The following NPHS1 variants were observed in gnomAD, a reference collection of about 807,000 sequenced individuals.
NPHS1 encodes NPHS1 adhesion molecule, nephrin, also known as nephrin.
In NPHS1, 107 loss-of-function variants were observed where a neutral mutation model predicts 139.7. The observed-to-expected ratio is 0.77, with a 90% CI of 0.66 to 0.90. The LOEUF (loss-of-function observed/expected upper bound fraction) is 0.90, where lower values mean the gene tolerates loss of function less well. Among genes scored for constraint, NPHS1 ranks in the 40% least tolerant of loss-of-function variants. The pLI is 0.00. For synonymous variants in NPHS1, 707 were observed against 706.6 expected, an observed-to-expected ratio of 1.00 and a Z score of -0.01; for missense variants, 1,580 against 1,654.2, an observed-to-expected ratio of 0.96 and a Z score of 0.78.
chr19:35,830,709 G>T, intron 28 of NPHS1, 135 bp downstream of exon 28: 1 of 750,084 alleles, frequency 1.3e-6, no homozygotes, highest in Non-Finnish European at 2.4e-6. Context: ...ATGCCCAGCC[G>T]ACTGTCTTTA....
intron 20 of NPHS1, among the ~76,000 whole-genome samples, chr19:35,840,852 CT>C (rs746031842): frequency 0.027 from 3,433 of 128,346 alleles, 45 homozygotes; most frequent in Non-Finnish European, 0.03. Context: ...TCACGCCCGG[CT>C]TTTTTTTTTT....
intron 22 of NPHS1, among the ~76,000 whole-genome samples, chr19:35,838,098 C>CA (rs1256944351): frequency 6.8e-6 from 1 of 146,928 alleles, no homozygotes; most frequent in Non-Finnish European, 1.5e-5. Flanking sequence ...CTAAAAAATA[C>CA]AAAAAATTAC....
chr19:35,829,975 A>AT, intron 28 of NPHS1, among the ~76,000 whole-genome samples: 1 of 152,224 alleles, frequency 6.6e-6, no homozygotes, highest in East Asian at 1.9e-4. Context: ...CCATAAAAAC[A>AT]TTTTTAGGGA....
At chr19:35,828,354 C>T (rs545616953) in intron 28 of NPHS1, among the ~76,000 whole-genome samples, 4 of 152,108 alleles carry the variant, frequency 2.6e-5, no homozygotes, top group Non-Finnish European at 5.9e-5. Context: ...CAACCTCCGC[C>T]TCCCGGGTTT....
intron 23 of NPHS1, among the ~76,000 whole-genome samples, chr19:35,833,579 A>G (rs1268529950): frequency 1.3e-5 from 2 of 152,226 alleles, no homozygotes; most frequent in Non-Finnish European, 2.9e-5. Flanking sequence ...AGAAACTCAG[A>G]AAGAAGCCAC....
intron 28 of NPHS1, among the ~76,000 whole-genome samples, 179 bp from the exon 29 acceptor site, chr19:35,826,824 T>C (rs1464510959): frequency 6.6e-6 from 1 of 152,222 alleles, no homozygotes. Flanking sequence ...ATGAACCCCA[T>C]GTGCTTATCA....
At chr19:35,844,617 G>T (rs1029949960) in intron 14 of NPHS1, among the ~76,000 whole-genome samples, 158 bp from the exon 15 acceptor site, 3 of 152,206 alleles carry the variant, frequency 2.0e-5, no homozygotes, top group African/African-American at 7.2e-5. Flanking sequence ...TCAGGGGTAA[G>T]GTTCGGGATA....
chr19:35,850,977 G>A lies in NPHS1; in HGVS notation c.510C>T (p.Asp170=). ...CACACTCACTCAGGAGAATGGTGATGTCAGGTGCTGGCTTCGCGTCCCCAG... is the reference window on the plus strand; with the variant it reads ...CACACTCACTCAGGAGAATGGTGATATCAGGTGCTGGCTTCGCGTCCCCAG... ...CVSGDAKPAP[D]ITILLSGQTI... The change falls in exon 4 of 29, where the codon GAC becomes GAT. Residue 170 remains aspartate (D), a synonymous_variant. Transcript: ENST00000378910. The A allele has an allele frequency of 5.0e-6, 8 of 1,614,126 alleles. No individual in the cohort carries two copies. Among genetic ancestry groups the A allele is most frequent in the Non-Finnish European group, 6.8e-6 (8 of 1,180,032 alleles).
At position 35,851,335 on chromosome 19, in the gene NPHS1, C is replaced by T; in HGVS notation, c.324G>A (p.Glu108=). The T allele has an allele frequency of 6.2e-7, 1 of 1,613,848 alleles. No homozygotes were observed. Among genetic ancestry groups the T allele is most frequent in the Non-Finnish European group, 8.5e-7 (1 of 1,179,890 alleles). ...CAGAGCGGCCGACCTGGCACTCATA[C>T]TCCGCGTCATCGCTGAGGTCACAGG... ...IEACDLSDDA[E]YECQVGRSEM... is the part of the protein sequence containing the mutation. The change falls in exon 3 of 29, where the codon GAG becomes GAA. Residue 108 remains glutamate (E), a synonymous_variant. Coordinates refer to ENST00000378910, the MANE Select transcript of NPHS1 (RefSeq NM_004646.4).
chr19:35,842,016 A>T (rs906978269), intron 19 of NPHS1, 108 bp downstream of exon 19: 3 of 1,423,044 alleles, frequency 2.1e-6, no homozygotes, highest in Non-Finnish European at 2.9e-6. Flanking sequence ...TCACTCACTC[A>T]TTCCTCCACC....
rs1555758142 is a variant in NPHS1, at chr19:35,826,528, C to T, written c.3712G>A (p.Gly1238Arg). Residue 1238 changes from glycine to arginine, a missense_variant, in exon 29 of 29, where the codon GGA (glycine) becomes AGA (arginine). Physicochemically the swap from Gly to Arg is moderately radical, Grantham distance 125 (BLOSUM62 -2). Coordinates refer to ENST00000378910, the MANE Select transcript of NPHS1 (RefSeq NM_004646.4). ...EPDSLPFELR[G>R]HLV ...TGAGAGGGCTCTTACACCAGATGTC[C>T]CCTCAGCTCGAAGGGCAGAGAATCG... 1 of 1,613,668 alleles carries T rather than the reference C, an allele frequency of 6.2e-7. No homozygotes were observed. Among genetic ancestry groups the T allele is most frequent in the Non-Finnish European group, 8.5e-7 (1 of 1,180,000 alleles).
At chr19:35,837,298 TA>T (rs1972980999) in intron 22 of NPHS1, among the ~76,000 whole-genome samples, 1 of 152,230 alleles carries the variant, frequency 6.6e-6, no homozygotes, top group South Asian at 2.1e-4. Context: ...TTTATTGGAA[TA>T]AAGTTATCCA....
At position 35,849,308 on chromosome 19, in the gene NPHS1, C is replaced by T. The variant is rs775136571; in HGVS notation, c.768G>A (p.Arg256=). 1 of 1,613,170 alleles carries T rather than the reference C, an allele frequency of 6.2e-7. No individual in the cohort carries two copies. ...ACGGCAGCTCCAAGCTCTGTCCTGCCCGCACGTGCCCCTCATCCAGGCCTG... is the reference window on the plus strand; with the variant it reads ...ACGGCAGCTCCAAGCTCTGTCCTGCTCGCACGTGCCCCTCATCCAGGCCTG... ...EWPGLDEGHV[R]AGQSLELPCV... The change falls in exon 7 of 29, where the codon CGG becomes CGA. Residue 256 remains arginine, a synonymous_variant. Transcript: ENST00000378910.
In NPHS1 at chr19:35,845,964, T is replaced by TGCCAA; in HGVS notation, c.1627+43_1627+44insTTGGC. ...TGGGTCCCTGCCCCACCTGGCTCTG[T>TGCCAA]CCCTCCCGCCCCGCCCCCGGGCCTC... is the stretch of plus-strand genomic sequence containing the variant. On this transcript the variant is annotated intron_variant, in intron 12 of 28. Coordinates refer to ENST00000378910, the MANE Select transcript of NPHS1 (RefSeq NM_004646.4). The surrounding 1 kb of genome is among the most constrained non-coding windows in gnomAD (Gnocchi z 5.5). The TGCCAA allele has an allele frequency of 1.3e-6, 2 of 1,528,560 alleles. No individual in the cohort carries two copies. The highest frequency in any genetic ancestry group is 1.8e-6 in the Non-Finnish European group (2 of 1,129,322). 94.7% of individuals were successfully genotyped at this position (1,528,560 alleles called of 1,614,324 possible).
At position 35,841,706 on chromosome 19, in the gene NPHS1, C is replaced by T. The variant is rs1973058052; in HGVS notation, c.2815+9G>A. The T allele has an allele frequency of 6.2e-7, 1 of 1,614,140 alleles. No homozygotes were observed. The highest frequency in any genetic ancestry group is 8.5e-7 in the Non-Finnish European group (1 of 1,180,016). On this transcript the variant is annotated intron_variant, in intron 20 of 28. Coordinates refer to ENST00000378910, the MANE Select transcript of NPHS1 (RefSeq NM_004646.4). ...CCCCCTCCCCAACACCCTCACAGCC[C>T]CTCCATACTGATGCTGACAAGTTGA...
rs886038551 is a variant in NPHS1, at chr19:35,842,165, A to G, written c.2622T>C (p.Thr874=). The G allele has an allele frequency of 4.3e-6, 7 of 1,609,740 alleles. No individual in the cohort carries two copies. Among genetic ancestry groups the G allele is most frequent in the Middle Eastern group, 1.7e-4 (1 of 6,052 alleles). ...CCAGAGGGACCCCGTTTTTTGTCCA[A>G]GTGAAAACGATGTTGGGGACACCTC... The part of the protein sequence containing the change: ...RARGVPNIVF[T]WTKNGVPLDL... Residue 874 remains threonine, a synonymous_variant, in exon 19 of 29, where the codon ACT becomes ACC. Coordinates refer to ENST00000378910, the MANE Select transcript of NPHS1 (RefSeq NM_004646.4).
chr19:35,843,739 G>A (rs978591982), intron 16 of NPHS1, 146 bp from the exon 17 acceptor site: 5 of 1,043,918 alleles, frequency 4.8e-6, no homozygotes, highest in Non-Finnish European at 7.0e-6. Flanking sequence ...AGGGTTGGAG[G>A]AGAGTTCTCA....
At chr19:35,843,836 A>G in intron 16 of NPHS1, 1 of 648,526 alleles carries the variant, frequency 1.5e-6, no homozygotes, top group Non-Finnish European at 2.6e-6. Flanking sequence ...TGTGTGTAGC[A>G]GGGCTTATAC....
rs1042181714 is a variant in NPHS1 at position 35,838,356 on chromosome 19, C to A, written c.3109+881G>T. Among the ~76,000 whole-genome samples, 18 of 152,130 alleles carry A rather than the reference C, an allele frequency of 1.2e-4. No homozygotes were observed. In the East Asian group the frequency reaches 3.5e-3, roughly 29 times the overall value. Reference sequence around the variant, plus strand: ...TCACCTGAGGTCAGGAGTTCAAGACCAGCCTGGCCAACATGGCGAAACCCC... The same window carrying A: ...TCACCTGAGGTCAGGAGTTCAAGACAAGCCTGGCCAACATGGCGAAACCCC... On this transcript the variant is annotated intron_variant, in intron 22 of 28. Transcript: ENST00000378910.
Sources: allele counts gnomAD v4.1 joint callset (sites outside exome capture counted in the v4.1 genomes callset), GRCh38; gene constraint gnomAD v4.1.1; non-coding constraint Gnocchi (gnomAD v3.1); transcripts MANE v1.5; gene names NCBI Gene and HGNC (gene_info 2026-07-23, HGNC 2026-07-21).